The following GALNT2 variants were observed in gnomAD, a reference collection of about 807,000 sequenced individuals.
GALNT2 encodes the protein UDP-GalNAc:polypeptide N-acetylgalactosaminyltransferase 2.
In GALNT2, 31 loss-of-function variants were observed where a neutral mutation model predicts 81.4. That is an observed-to-expected ratio of 0.38 (90% CI 0.29 to 0.51). The LOEUF (loss-of-function observed/expected upper bound fraction) is 0.51, where lower values mean the gene tolerates loss of function less well. Ranked by LOEUF, GALNT2 falls within the 20% of genes least tolerant of loss-of-function variation. The probability of loss-of-function intolerance (pLI) is 0.87; values close to 1 mark genes in which losing one functional copy is unlikely to be tolerated. For synonymous variants in GALNT2, 303 were observed against 287.4 expected (o/e 1.05, Z -0.55); for missense variants, 629 against 765.7 (o/e 0.82, Z 2.11).
intron 1 of GALNT2, among the ~76,000 whole-genome samples, chr1:230,077,574 C>T (rs1378041767): frequency 5.9e-5 from 9 of 152,204 alleles, no homozygotes; most frequent in Admixed American, 3.9e-4. Flanking sequence ...ATATCACTCT[C>T]GGGCATAGAT....
chr1:230,265,134 TTC>T, intron 13 of GALNT2, 105 bp from the exon 14 acceptor site: 1 of 1,478,158 alleles, frequency 6.8e-7, no homozygotes, highest in Non-Finnish European at 9.4e-7. Flanking sequence ...CACTGGGTCT[TTC>T]TCTCGTTCCT....
intron 10 of GALNT2, among the ~76,000 whole-genome samples, chr1:230,251,983 T>A (rs55931709): frequency 0.024 from 3,611 of 152,220 alleles, 72 homozygotes; most frequent in Non-Finnish European, 0.036. Context: ...TTCTAGGGTC[T>A]GAGCGGTTCA....
chr1:230,208,977 G>C (rs1238893492), intron 3 of GALNT2, among the ~76,000 whole-genome samples: 1 of 151,786 alleles, frequency 6.6e-6, no homozygotes, highest in African/African-American at 2.4e-5. Flanking sequence ...TGAAGAGACT[G>C]TCCTACCCAA....
At chr1:230,247,078 T>TA (rs1311476492) in intron 8 of GALNT2, among the ~76,000 whole-genome samples, 3,545 of 135,862 alleles carry the variant, frequency 0.026, 58 homozygotes, top group African/African-American at 0.034. Context: ...TTGTCTCTAT[T>TA]AAAAAAAAAA....
intron 1 of GALNT2, among the ~76,000 whole-genome samples, chr1:230,176,469 C>T (rs1572051962): frequency 6.6e-6 from 1 of 152,070 alleles, no homozygotes; most frequent in Admixed American, 6.6e-5. Context: ...ACATAGAAGG[C>T]CAGATGCTGG....
intron 1 of GALNT2, among the ~76,000 whole-genome samples, chr1:230,171,466 G>T (rs1662792242): frequency 6.6e-6 from 1 of 152,178 alleles, no homozygotes; most frequent in Non-Finnish European, 1.5e-5. Flanking sequence ...GTGAAAACTA[G>T]ACAACTGATT....
intron 1 of GALNT2, among the ~76,000 whole-genome samples, chr1:230,149,286 G>A (rs1662021100): frequency 6.6e-6 from 1 of 152,116 alleles, no homozygotes. Flanking sequence ...GGAGCGGGTG[G>A]GAGGACATTG....
chr1:230,136,726 G>A (rs1160903690), intron 1 of GALNT2, among the ~76,000 whole-genome samples: 1 of 152,202 alleles, frequency 6.6e-6, no homozygotes, highest in East Asian at 1.9e-4. Context: ...TCCAAACACC[G>A]CTTGTTTGTA....
At chr1:230,178,388 G>A in intron 2 of GALNT2, 77 bp downstream of exon 2, 2 of 1,108,440 alleles carry the variant, frequency 1.8e-6, no homozygotes, top group Non-Finnish European at 2.6e-6. Context: ...CTTGGAGCAG[G>A]TGGTCTGTGG....
rs1395407376 is a variant in GALNT2, at chr1:230,193,435, A to G, written c.221-9702A>G. Among the ~76,000 whole-genome samples the G allele has an allele frequency of 6.6e-6, 1 of 152,068 alleles. No individual in the cohort carries two copies. The highest frequency in any genetic ancestry group is 1.5e-5 in the Non-Finnish European group (1 of 68,020). On this transcript the variant is annotated intron_variant, in intron 2 of 15. Transcript: ENST00000366672. This position sits in a 1 kb window ranked among gnomAD's most constrained non-coding sequence, Gnocchi z 4.3. ...CAACTGAGAGTCCTCTAAAGACCGC[A>G]TTTGTGCATGTGCCTGTGCGTGAGC...
At chr1:230,232,149 C>G (rs1664883967) in intron 3 of GALNT2, among the ~76,000 whole-genome samples, 1 of 152,030 alleles carries the variant, frequency 6.6e-6, no homozygotes, top group African/African-American at 2.4e-5. Flanking sequence ...CCGACCCCAC[C>G]TTCTTGGCTC....
chr1:230,194,244 G>T (rs1290761906), intron 2 of GALNT2, among the ~76,000 whole-genome samples: 1 of 152,184 alleles, frequency 6.6e-6, no homozygotes, highest in East Asian at 1.9e-4. Flanking sequence ...AGAAAAAGTT[G>T]CTGGGCCTGA....
At chr1:230,272,964 G>A (rs1437579907) in intron 14 of GALNT2, among the ~76,000 whole-genome samples, 2 of 152,054 alleles carry the variant, frequency 1.3e-5, no homozygotes, top group East Asian at 1.9e-4. Context: ...TACAAACAAG[G>A]TCTCGCTATG....
At chr1:230,163,413 G>A (rs1369233799) in intron 1 of GALNT2, among the ~76,000 whole-genome samples, 2 of 152,200 alleles carry the variant, frequency 1.3e-5, no homozygotes, top group East Asian at 1.9e-4. Context: ...TCACTCCGGC[G>A]ATCTCTCATG....
At chr1:230,142,244 G>A (rs1033812606) in intron 1 of GALNT2, among the ~76,000 whole-genome samples, 1 of 152,178 alleles carries the variant, frequency 6.6e-6, no homozygotes, top group Non-Finnish European at 1.5e-5. Flanking sequence ...GCCACAGGAA[G>A]CATAAGGGAT....
chr1:230,133,593 A>G (rs1485634346), intron 1 of GALNT2, among the ~76,000 whole-genome samples: 1 of 151,888 alleles, frequency 6.6e-6, no homozygotes, highest in East Asian at 1.9e-4. Flanking sequence ...AGCTGGGATT[A>G]TAGGCGCCCG....
At position 230,279,004 on chromosome 1, in the gene GALNT2, G is replaced by A. The variant is rs1666365739; in HGVS notation, c.1561-299G>A. Among the ~76,000 whole-genome samples the A allele has an allele frequency of 1.3e-5, 2 of 152,154 alleles. No individual in the cohort carries two copies. Among genetic ancestry groups the A allele is most frequent in the Admixed American group, 1.3e-4 (2 of 15,272 alleles). On this transcript the variant is annotated intron_variant, in intron 15 of 15. Coordinates refer to ENST00000366672, the MANE Select transcript of GALNT2 (RefSeq NM_004481.5). The surrounding 1 kb of genome is among the most constrained non-coding windows in gnomAD (Gnocchi z 4.6). ...TCAAATCCTGTGTTAATGACGAAGG[G>A]GTGGGTGCCCAGAGCTCTGGGGCTC...
intron 13 of GALNT2, chr1:230,264,875 G>A (rs1665985467): frequency 1.1e-5 from 2 of 184,058 alleles, no homozygotes; most frequent in Admixed American, 5.6e-5. Context: ...TAAGTGTATT[G>A]GAAAGTTCAA....
At chr1:230,161,698 A>G (rs1008372527) in intron 1 of GALNT2, among the ~76,000 whole-genome samples, 1 of 152,218 alleles carries the variant, frequency 6.6e-6, no homozygotes, top group Non-Finnish European at 1.5e-5. Context: ...GGTGACTCAC[A>G]TCCATTTCTT....
Sources: allele counts gnomAD v4.1 joint callset (sites outside exome capture counted in the v4.1 genomes callset), GRCh38; gene constraint gnomAD v4.1.1; non-coding constraint Gnocchi (gnomAD v3.1); transcripts MANE v1.5; gene names NCBI Gene and HGNC (gene_info 2026-07-23, HGNC 2026-07-21).